OSER1: variants seen among roughly 807,000 people sequenced by gnomAD.
OSER1 encodes the protein oxidative stress responsive serine rich 1.
A neutral mutation model predicts 26.3 loss-of-function variants in OSER1; 15 were observed. The ratio of observed to expected loss-of-function variants is 0.57; its 90% confidence interval spans 0.38 to 0.88. OSER1 has a LOEUF of 0.88. Ranked by LOEUF, OSER1 falls within the 40% of genes least tolerant of loss-of-function variation. OSER1 has a pLI of 0.00. For missense variants in OSER1, 313 were observed against 353.9 expected (o/e 0.88, Z 0.93); for synonymous variants, 127 against 128.2 (o/e 0.99, Z 0.07).
At chr20:44,197,998 T>C (rs1358571790) in intron 3 of OSER1, among the ~76,000 whole-genome samples, 1 of 152,154 alleles carries the variant, frequency 6.6e-6, no homozygotes, top group Non-Finnish European at 1.5e-5. Context: ...GGCCAAACAT[T>C]TGGGACAGAA....
chr20:44,203,706 A>T (rs1300450272), intron 2 of OSER1, among the ~76,000 whole-genome samples: 2 of 150,618 alleles, frequency 1.3e-5, no homozygotes, highest in Non-Finnish European at 2.9e-5. Context: ...ACACACACAC[A>T]CACACACACA....
Position 44,197,520 on chromosome 20 carries a change from A to G in OSER1, c.411T>C (p.Ser137=). ...CTGCCCCTGTGTGATTAGCATCGAG[A>G]GAAGTAGAGCTTTCTCCTGCACTGA... is the stretch of plus-strand genomic sequence containing the variant. The part of the protein sequence containing the change: ...KEFSAGESST[S]LDANHTGAVV... The change falls in exon 4 of 4, where the codon TCT becomes TCC. Residue 137 remains serine, a synonymous_variant. Coordinates refer to ENST00000255174, the MANE Select transcript of OSER1 (RefSeq NM_016470.8). The G allele has an allele frequency of 6.2e-7, 1 of 1,614,120 alleles. No individual in the cohort carries two copies. Among genetic ancestry groups the G allele is most frequent in the South Asian group, 1.1e-5 (1 of 91,086 alleles).
Position 44,197,598 on chromosome 20 carries a change from C to T in OSER1, c.333G>A (p.Gln111=), listed in dbSNP as rs756709729. 6.2e-7 allele frequency: 1 copy of T among 1,614,178 alleles called. No individual in the cohort carries two copies. Among genetic ancestry groups the T allele is most frequent in the South Asian group, 1.1e-5 (1 of 91,088 alleles). ...CACTGCTGCCATCAGGTGAGTCAGTCTGGCTTTTGTGCTTGAGTTGACTGC... is the reference window on the plus strand; with the variant it reads ...CACTGCTGCCATCAGGTGAGTCAGTTTGGCTTTTGTGCTTGAGTTGACTGC... ...SSSSQLKHKS[Q]TDSPDGSSGL... The change falls in exon 4 of 4, where the codon CAG becomes CAA. Residue 111 remains glutamine, a synonymous_variant. Coordinates refer to ENST00000255174, the MANE Select transcript of OSER1 (RefSeq NM_016470.8).
chr20:44,196,309 AAAAC>A lies in OSER1; in HGVS notation c.*739_*742del, dbSNP rs1479782046. Reference sequence around the variant, plus strand: ...CAACTGATAACAAAAAAAAAAAAAAAAAACCGCCATATATTTAAAATGCTGGAGA... The same window carrying A: ...CAACTGATAACAAAAAAAAAAAAAAACGCCATATATTTAAAATGCTGGAGA... On this transcript the variant is annotated 3_prime_UTR_variant, in exon 4 of 4. Transcript: ENST00000255174. 4.8e-3 allele frequency among the ~76,000 whole-genome samples: 419 copies of A among 87,854 alleles called. 2 individuals carry two copies. Among genetic ancestry groups the A allele is most frequent in the African/African-American group, 0.023 (240 of 10,620 alleles). The allele number at this position is 87,854 out of a possible 152,430, so 57.6% of individuals were successfully genotyped here.
chr20:44,211,103 C>T (rs2073103146), upstream of OSER1: 1 of 152,432 alleles, frequency 6.6e-6, no homozygotes, highest in African/African-American at 2.4e-5. Context: ...TCATTCTTCA[C>T]AGTAGTCCTC....
intron 2 of OSER1, among the ~76,000 whole-genome samples, chr20:44,203,690 T>C (rs910864786): frequency 1.9e-5 from 2 of 103,830 alleles, no homozygotes; most frequent in Non-Finnish European, 3.6e-5. Context: ...CTTCCAGACT[T>C]TTTTCACACA....
chr20:44,203,694 TCA>T (rs139060435), intron 2 of OSER1, among the ~76,000 whole-genome samples: 3,811 of 145,326 alleles, frequency 0.026, 75 homozygotes, highest in East Asian at 0.046. Context: ...CAGACTTTTT[TCA>T]CACACACACA....
upstream of OSER1, among the ~76,000 whole-genome samples, chr20:44,211,520 G>C (rs1179069299): frequency 6.6e-6 from 1 of 152,160 alleles, no homozygotes; most frequent in South Asian, 2.1e-4. Flanking sequence ...CCTTATCGGT[G>C]AATCTCGTGT....
upstream of OSER1, among the ~76,000 whole-genome samples, chr20:44,211,653 G>T (rs117950836): frequency 3.7e-4 from 56 of 152,256 alleles, no homozygotes; most frequent in East Asian, 8.5e-3. Flanking sequence ...ATGAATTTTA[G>T]GATTCTTTAC....
chr20:44,200,513 G>A (rs753392425), intron 3 of OSER1, among the ~76,000 whole-genome samples: 20 of 152,030 alleles, frequency 1.3e-4, no homozygotes, highest in African/African-American at 4.8e-5. Context: ...TTTACCATAC[G>A]GTGCTTTACA....
chr20:44,208,446 C>G (rs1347572642), intron 1 of OSER1, among the ~76,000 whole-genome samples: 3 of 137,930 alleles, frequency 2.2e-5, no homozygotes, highest in Non-Finnish European at 4.6e-5. Flanking sequence ...AAAATTCAGC[C>G]AGCCTGCACC....
At chr20:44,203,713 C>T (rs1372929767) in intron 2 of OSER1, among the ~76,000 whole-genome samples, 1 of 151,788 alleles carries the variant, frequency 6.6e-6, no homozygotes, top group Non-Finnish European at 1.5e-5. Flanking sequence ...CACACACACA[C>T]ACACACACAC....
chr20:44,196,996 T>C lies in OSER1; in HGVS notation c.*56A>G, dbSNP rs2072925223. On this transcript the variant is annotated 3_prime_UTR_variant, in exon 4 of 4. Coordinates refer to ENST00000255174, the MANE Select transcript of OSER1 (RefSeq NM_016470.8). ...AGTGGCCACAAGGTCTGCCATTAAC[T>C]AAATCTCTTTGACAAGCCTTCATTG... 7.7e-7 allele frequency: 1 copy of C among 1,293,974 alleles called. No individual in the cohort carries two copies. Among genetic ancestry groups the C allele is most frequent in the Admixed American group, 1.8e-5 (1 of 57,010 alleles). The allele number at this position is 1,293,974 out of a possible 1,614,324, so 80.2% of individuals were successfully genotyped here. A position where few individuals can be genotyped will look rare whatever the true frequency, so the allele number is the denominator to read the frequency against.
At chr20:44,203,108 A>T (rs569115284) in intron 2 of OSER1, 34 bp from the exon 3 acceptor site, 6 of 1,137,952 alleles carry the variant, frequency 5.3e-6, no homozygotes, top group Non-Finnish European at 8.0e-6. Context: ...AGCTACAAAA[A>T]ACTGTAAAAT....
rs1447302664 is a variant in OSER1, at chr20:44,197,674, A to C, written c.257T>G (p.Val86Gly). 18 of 1,613,962 alleles carry C rather than the reference A, an allele frequency of 1.1e-5. No homozygotes were observed. Among genetic ancestry groups the C allele is most frequent in the Non-Finnish European group, 1.4e-5 (17 of 1,179,936 alleles). Residue 86 changes from valine to glycine, a missense_variant, in exon 4 of 4, where the codon GTC becomes GGC. Transcript: ENST00000255174. ...ATGTATAAACTTTGGAGGATGAAGG[A>C]CAGGAGACTTAGAACGTCGACGACG... ...TQRRRRSKSP[V>G]LHPPKFIHCS...
Position 44,195,948 on chromosome 20 carries a change from A to G in OSER1, c.*1104T>C, listed in dbSNP as rs138829452. On this transcript the variant is annotated 3_prime_UTR_variant, in exon 4 of 4. Transcript: ENST00000255174. ...ACCACAGCCAGCGCAGTTTTAGTAA[A>G]TAGTATAAATGTATTTTGTAATTTA... 1.8e-4 allele frequency among the ~76,000 whole-genome samples: 28 copies of G among 152,332 alleles called. No homozygotes were observed. In the East Asian group the frequency reaches 3.9e-3, roughly 21 times the overall value.
rs2072914892 is a variant in OSER1, at chr20:44,196,096, A to C, written c.*956T>G. On this transcript the variant is annotated 3_prime_UTR_variant, in exon 4 of 4. Coordinates refer to ENST00000255174, the MANE Select transcript of OSER1 (RefSeq NM_016470.8). Reference sequence around the variant, plus strand: ...TTTTGGAGCCACCTGAAAAACAAGGATTCATCATCCAGCTGAAACCGAAGA... The same window carrying C: ...TTTTGGAGCCACCTGAAAAACAAGGCTTCATCATCCAGCTGAAACCGAAGA... Among the ~76,000 whole-genome samples the C allele has an allele frequency of 6.6e-6, 1 of 152,178 alleles. No homozygotes were observed.
intron 3 of OSER1, among the ~76,000 whole-genome samples, chr20:44,198,324 T>C (rs897658141): frequency 8.5e-5 from 13 of 152,158 alleles, no homozygotes; most frequent in Admixed American, 3.3e-4. Context: ...TAACTATTTA[T>C]AAAATATTTA....
chr20:44,208,865 T>C lies in OSER1; in HGVS notation c.-42+1831A>G, dbSNP rs572896367. 2.0e-5 allele frequency among the ~76,000 whole-genome samples: 3 copies of C among 152,366 alleles called. No homozygotes were observed. In the East Asian group the frequency reaches 5.8e-4, roughly 29 times the overall value. On this transcript the variant is annotated intron_variant, in intron 1 of 3. Coordinates refer to ENST00000255174, the MANE Select transcript of OSER1 (RefSeq NM_016470.8). The stretch of plus-strand genomic sequence containing the variant: ...CGCAGACCGCCCCCCAAGTCCTCTT[T>C]AGCCCTCTCTGGAAATCAGTCAGCA...
Sources: gnomAD v4.1 joint callset for allele counts (sites outside exome capture counted in the v4.1 genomes callset) on GRCh38, gnomAD v4.1.1 for gene constraint, MANE v1.5 for transcripts, NCBI Gene and HGNC (gene_info 2026-07-23, HGNC 2026-07-21) for gene names.